The following ARSJ variants were observed in gnomAD, a reference collection of about 807,000 sequenced individuals.
The protein encoded by ARSJ is arylsulfatase J.
ARSJ carries 26 observed loss-of-function variants against 35.9 expected under a neutral mutation model. The observed-to-expected ratio is 0.72, with a 90% CI of 0.53 to 1.00. The LOEUF is 1.00. Among genes scored for constraint, ARSJ ranks in the 50% least tolerant of loss-of-function variants. The probability of loss-of-function intolerance (pLI) is 0.00; values close to 1 mark genes in which losing one functional copy is unlikely to be tolerated. For missense variants in ARSJ, 667 were observed against 723.6 expected (o/e 0.92, Z 0.90); for synonymous variants, 294 against 267.6 (o/e 1.10, Z -0.96).
rs576332729 is a variant in ARSJ at position 113,939,813 on chromosome 4, A to G, written c.399-36138T>C. Among the ~76,000 whole-genome samples the G allele has an allele frequency of 5.1e-4, 77 of 151,928 alleles. 1 individual carries two copies. Among genetic ancestry groups the G allele is most frequent in the African/African-American group, 1.5e-3 (63 of 41,452 alleles). On this transcript the variant is annotated intron_variant, in intron 1 of 1. Coordinates refer to ENST00000315366, the MANE Select transcript of ARSJ (RefSeq NM_024590.4). ...TAAATTTGAGTTCATTGTAGATTCTAGATATTAGCCCTTTGTCAGATGAGT... is the reference window on the plus strand; with the variant it reads ...TAAATTTGAGTTCATTGTAGATTCTGGATATTAGCCCTTTGTCAGATGAGT...
intron 1 of ARSJ, among the ~76,000 whole-genome samples, chr4:113,931,352 T>C (rs1239748269): frequency 6.6e-6 from 1 of 152,050 alleles, no homozygotes; most frequent in South Asian, 2.1e-4. Flanking sequence ...GATCCAAGAT[T>C]AAGTGAAAAG....
At chr4:113,903,704 A>G (rs2099667853) in intron 1 of ARSJ, 29 bp from the exon 2 acceptor site, 3 of 1,564,420 alleles carry the variant, frequency 1.9e-6, no homozygotes, top group Non-Finnish European at 2.6e-6. Flanking sequence ...AATTGTTATC[A>G]GGGCAGGATA....
In ARSJ at chr4:113,903,314, T is replaced by A. The variant is rs753695926; in HGVS notation, c.760A>T (p.Asn254Tyr). The change falls in exon 2 of 2, where the codon AAC becomes TAC. Residue 254 changes from asparagine to tyrosine, a missense_variant. By Grantham distance (143) the Asn-to-Tyr change is moderately radical. Coordinates refer to ENST00000315366, the MANE Select transcript of ARSJ (RefSeq NM_024590.4). ...QRVQQILASH[N>Y]PTKPIFLYIA... ...TATAAAAATATAGGCTTTGTGGGGT[T>A]ATGGGAAGCTAAGATTTGCTGTACT... 7 of 1,614,054 alleles carry A rather than the reference T, an allele frequency of 4.3e-6. No homozygotes were observed. The highest frequency in any genetic ancestry group is 4.2e-6 in the Non-Finnish European group (5 of 1,180,034).
intron 1 of ARSJ, among the ~76,000 whole-genome samples, chr4:113,939,888 G>C (rs1284318539): frequency 6.6e-6 from 1 of 151,954 alleles, no homozygotes; most frequent in Non-Finnish European, 1.5e-5. Flanking sequence ...TCACTCTGAT[G>C]GTAGTTTCTT....
At chr4:113,965,939 AG>A (rs1470713638) in intron 1 of ARSJ, among the ~76,000 whole-genome samples, 1 of 152,076 alleles carries the variant, frequency 6.6e-6, no homozygotes, top group Non-Finnish European at 1.5e-5. Flanking sequence ...GTGTGTTCAA[AG>A]GATCTAACAC....
At chr4:113,930,334 A>G (rs1724354788) in intron 1 of ARSJ, among the ~76,000 whole-genome samples, 1 of 152,084 alleles carries the variant, frequency 6.6e-6, no homozygotes, top group Non-Finnish European at 1.5e-5. Flanking sequence ...GTAGGCTTGG[A>G]GGCTAGGCCA....
At chr4:113,972,744 T>C (rs1727353921) in intron 1 of ARSJ, among the ~76,000 whole-genome samples, 1 of 152,170 alleles carries the variant, frequency 6.6e-6, no homozygotes, top group Non-Finnish European at 1.5e-5. Flanking sequence ...AAAATCCTCT[T>C]TAACTTCATC....
chr4:113,962,173 G>A (rs1031200260), intron 1 of ARSJ, among the ~76,000 whole-genome samples: 5 of 152,012 alleles, frequency 3.3e-5, no homozygotes, highest in African/African-American at 1.2e-4. Flanking sequence ...TGGGACAGCC[G>A]TGAGGCCAGA....
chr4:113,902,512 C>T lies in ARSJ; in HGVS notation c.1562G>A (p.Arg521Gln). The T allele has an allele frequency of 3.7e-6, 6 of 1,614,068 alleles. No homozygotes were observed. Among genetic ancestry groups the T allele is most frequent in the Non-Finnish European group, 5.1e-6 (6 of 1,180,012 alleles). Reference protein sequence around the residue: ...RYPGIVKKLLRRLSQFNKTAV... With the variant: ...RYPGIVKKLLQRLSQFNKTAV... ...AGTTTTGTTGAACTGTGAGAGCCTC[C>T]GTAGGAGCTTCTTCACGATTCCTGG... Residue 521 changes from arginine to glutamine, a missense_variant, in exon 2 of 2, where the codon CGG becomes CAG. By Grantham distance (43) the Arg-to-Gln change is conservative (BLOSUM62 1). Transcript: ENST00000315366.
intron 1 of ARSJ, among the ~76,000 whole-genome samples, chr4:113,906,206 T>C (rs1180866144): frequency 6.6e-6 from 1 of 152,182 alleles, no homozygotes; most frequent in Non-Finnish European, 1.5e-5. Flanking sequence ...AACAAAATAA[T>C]TATGCAGAAA....
intron 1 of ARSJ, among the ~76,000 whole-genome samples, chr4:113,909,358 C>G (rs2149250839): frequency 6.6e-6 from 1 of 152,132 alleles, no homozygotes; most frequent in African/African-American, 2.4e-5. Flanking sequence ...TAAGCATTTG[C>G]CAAGGATTTT....
intron 1 of ARSJ, among the ~76,000 whole-genome samples, chr4:113,939,056 TC>T (rs924280890): frequency 3.0e-5 from 3 of 99,252 alleles, no homozygotes; most frequent in African/African-American, 1.2e-4. Flanking sequence ...ATGCTGTCCC[TC>T]CCCCCTCCCC....
chr4:113,978,299 AC>A, intron 1 of ARSJ, 137 bp downstream of exon 1: 7 of 811,412 alleles, frequency 8.6e-6, no homozygotes, highest in Non-Finnish European at 1.3e-5. Flanking sequence ...GTACCCCAAT[AC>A]CATACATCAT....
At chr4:113,962,700 C>T (rs1562373128) in intron 1 of ARSJ, among the ~76,000 whole-genome samples, 2 of 152,016 alleles carry the variant, frequency 1.3e-5, no homozygotes, top group Non-Finnish European at 2.9e-5. Flanking sequence ...CACCTGCTCT[C>T]CATCCGACCT....
intron 1 of ARSJ, among the ~76,000 whole-genome samples, chr4:113,952,727 G>A (rs1725941008): frequency 6.6e-6 from 1 of 152,070 alleles, no homozygotes; most frequent in Non-Finnish European, 1.5e-5. Flanking sequence ...CTAAACCTCT[G>A]TAGAAGAGGC....
In ARSJ at chr4:113,902,571, G is replaced by A; in HGVS notation, c.1503C>T (p.Asp501=). The A allele has an allele frequency of 6.2e-7, 1 of 1,614,136 alleles. No individual in the cohort carries two copies. The highest frequency in any genetic ancestry group is 8.5e-7 in the Non-Finnish European group (1 of 1,180,038). Residue 501 remains aspartate (D), a synonymous_variant, in exon 2 of 2, where the codon GAC becomes GAT. Coordinates refer to ENST00000315366, the MANE Select transcript of ARSJ (RefSeq NM_024590.4). The stretch of plus-strand genomic sequence containing the variant: ...TAGATAGGTCCACCCTCTCATATGG[G>A]TCGGCTGTGATGTTGAAAAGCCATA... ...KSVWLFNITA[D]PYERVDLSNR...
At chr4:113,905,972 C>T (rs2099668637) in intron 1 of ARSJ, among the ~76,000 whole-genome samples, 1 of 151,974 alleles carries the variant, frequency 6.6e-6, no homozygotes. Flanking sequence ...AATTTTTGGT[C>T]CAGTCCAGGA....
chr4:113,978,898 C>A lies in ARSJ; in HGVS notation c.-64G>T. ...CGCGCCCCGCGCCGCTGCGGGCGCA[C>A]ACATGCACCCAACAGACGGTGAAGA... On this transcript the variant is annotated 5_prime_UTR_variant, in exon 1 of 2. Coordinates refer to ENST00000315366, the MANE Select transcript of ARSJ (RefSeq NM_024590.4). 1 of 1,482,202 alleles carries A rather than the reference C, an allele frequency of 6.7e-7. No homozygotes were observed. Among genetic ancestry groups the A allele is most frequent in the Non-Finnish European group, 9.1e-7 (1 of 1,104,408 alleles). The allele number at this position is 1,482,202 out of a possible 1,614,324, so 91.8% of individuals were successfully genotyped here.
chr4:113,972,309 A>C (rs1299231654), intron 1 of ARSJ, among the ~76,000 whole-genome samples: 1 of 148,708 alleles, frequency 6.7e-6, no homozygotes, highest in African/African-American at 2.5e-5. Flanking sequence ...AAAAAAAACA[A>C]AAAAAAAAAC....
Sources: allele counts gnomAD v4.1 joint callset (sites outside exome capture counted in the v4.1 genomes callset), GRCh38; gene constraint gnomAD v4.1.1; transcripts MANE v1.5; gene names NCBI Gene and HGNC (gene_info 2026-07-23, HGNC 2026-07-21).